The following GREB1L variants were observed in gnomAD, a reference collection of about 807,000 sequenced individuals.
GREB1L encodes the protein GREB1 like retinoic acid receptor coactivator.
GREB1L carries 17 observed loss-of-function variants against 200.8 expected under a neutral mutation model. The ratio of observed to expected loss-of-function variants is 0.08; its 90% confidence interval spans 0.06 to 0.13. The LOEUF is 0.13. GREB1L is among the 10% of genes least tolerant of loss of function. The pLI is 1.00. For missense variants in GREB1L, 1,657 were observed against 2,367.7 expected (o/e 0.70, Z 6.23); for synonymous variants, 789 against 893.0 (o/e 0.88, Z 2.08).
chr18:21,445,873 A>T (rs184316387), intron 11 of GREB1L, among the ~76,000 whole-genome samples: 1,704 of 152,364 alleles, frequency 0.011, 11 homozygotes, highest in Middle Eastern at 0.024. Context: ...TAATTGCTAC[A>T]TACTGAAATT....
intron 23 of GREB1L, among the ~76,000 whole-genome samples, chr18:21,501,248 GTTT>G (rs1189394790): frequency 7.1e-6 from 1 of 141,214 alleles, no homozygotes. Context: ...TTTTTGGGCT[GTTT>G]TTTTTTTTTT....
In GREB1L at chr18:21,477,227, T is replaced by C. The variant is rs1159880879; in HGVS notation, c.2427T>C (p.Asn809=). 9.0e-6 allele frequency: 14 copies of C among 1,552,110 alleles called. No individual in the cohort carries two copies. Among genetic ancestry groups the C allele is most frequent in the Non-Finnish European group, 1.0e-5 (12 of 1,147,068 alleles). Residue 809 remains asparagine, a synonymous_variant, in exon 17 of 33, where the codon AAT becomes AAC. Coordinates refer to ENST00000424526, the MANE Select transcript of GREB1L (RefSeq NM_001142966.3). ...PSHGLADRVI[N]CREVLEAFNL... is the part of the protein sequence containing the mutation. ...ATGGGCTAGCTGATAGAGTCATTAATTGCAGAGAAGTTCTGGAAGCTTTCA... is the reference window on the plus strand; with the variant it reads ...ATGGGCTAGCTGATAGAGTCATTAACTGCAGAGAAGTTCTGGAAGCTTTCA...
At chr18:21,250,777 C>T (rs542567874) in intron 1 of GREB1L, among the ~76,000 whole-genome samples, 6 of 152,294 alleles carry the variant, frequency 3.9e-5, no homozygotes, top group Non-Finnish European at 7.3e-5. Flanking sequence ...AGAGTTCTGC[C>T]TCTCACCCAT....
intron 15 of GREB1L, among the ~76,000 whole-genome samples, chr18:21,464,695 G>T (rs1239977121): frequency 6.6e-6 from 1 of 152,044 alleles, no homozygotes; most frequent in South Asian, 2.1e-4. Flanking sequence ...TCAAAATTTG[G>T]CATCTCCAGT....
At chr18:21,381,421 A>G (rs2040308814) in intron 2 of GREB1L, among the ~76,000 whole-genome samples, 2 of 152,240 alleles carry the variant, frequency 1.3e-5, no homozygotes, top group Admixed American at 6.5e-5. Context: ...AAAAGAAAAA[A>G]AAAAAAAAGA....
At chr18:21,274,047 G>C (rs917487363) in intron 1 of GREB1L, among the ~76,000 whole-genome samples, 1 of 152,138 alleles carries the variant, frequency 6.6e-6, no homozygotes, top group African/African-American at 2.4e-5. Flanking sequence ...CCACAAACTG[G>C]TTGGCTTATC....
intron 7 of GREB1L, among the ~76,000 whole-genome samples, chr18:21,415,064 G>A (rs1483440398): frequency 6.6e-6 from 1 of 152,080 alleles, no homozygotes; most frequent in East Asian, 1.9e-4. Context: ...TGAGAGGGGA[G>A]ACCAGAGCAG....
chr18:21,484,587 C>T (rs184464676), intron 17 of GREB1L, among the ~76,000 whole-genome samples: 3 of 152,226 alleles, frequency 2.0e-5, no homozygotes, highest in East Asian at 1.9e-4. Flanking sequence ...GAGGCCAAGG[C>T]GGGCGGATCA....
intron 1 of GREB1L, among the ~76,000 whole-genome samples, chr18:21,249,413 C>G (rs2037662442): frequency 6.6e-6 from 1 of 152,180 alleles, no homozygotes; most frequent in Admixed American, 6.5e-5. Context: ...ACCCAGGAAT[C>G]TTTATTAACA....
At chr18:21,417,649 A>G (rs1279407657) in intron 7 of GREB1L, among the ~76,000 whole-genome samples, 1 of 152,172 alleles carries the variant, frequency 6.6e-6, no homozygotes, top group East Asian at 1.9e-4. Flanking sequence ...ATTCAGATAG[A>G]TGGACTTGAT....
At position 21,452,813 on chromosome 18, in the gene GREB1L, A is replaced by C. The variant is rs1452204643; in HGVS notation, c.1984+596A>C. The stretch of plus-strand genomic sequence containing the variant: ...CACTGATTGACAGGAATGACATAGG[A>C]CAGGACAGAAAAAAGAACAGGAGAA... On this transcript the variant is annotated intron_variant, in intron 14 of 32. Coordinates refer to ENST00000424526, the MANE Select transcript of GREB1L (RefSeq NM_001142966.3). Among the ~76,000 whole-genome samples, 5 of 152,322 alleles carry C rather than the reference A, an allele frequency of 3.3e-5. No individual in the cohort carries two copies. The East Asian group carries it at 9.6e-4, about 29-fold the overall frequency.
intron 10 of GREB1L, among the ~76,000 whole-genome samples, chr18:21,443,876 A>G (rs1048766132): frequency 6.6e-6 from 1 of 152,220 alleles, no homozygotes; most frequent in Non-Finnish European, 1.5e-5. Context: ...CGTCATTCAC[A>G]TGAATTCAGT....
At chr18:21,285,010 A>C (rs1193791374) in intron 1 of GREB1L, among the ~76,000 whole-genome samples, 3 of 152,100 alleles carry the variant, frequency 2.0e-5, no homozygotes, top group Non-Finnish European at 4.4e-5. Context: ...TCCTTTGCCC[A>C]GTTTTTGATC....
intron 16 of GREB1L, among the ~76,000 whole-genome samples, chr18:21,473,657 G>A (rs903036598): frequency 6.6e-6 from 1 of 151,612 alleles, no homozygotes; most frequent in African/African-American, 2.4e-5. Flanking sequence ...TCTTCTTACT[G>A]GTAACTTTTT....
chr18:21,351,064 C>A (rs180733400), intron 1 of GREB1L, among the ~76,000 whole-genome samples: 3 of 152,060 alleles, frequency 2.0e-5, no homozygotes, highest in African/African-American at 7.2e-5. Context: ...ATATTTTGTT[C>A]CCCTTACAAA....
intron 7 of GREB1L, among the ~76,000 whole-genome samples, chr18:21,438,783 C>A (rs903985742): frequency 6.6e-6 from 1 of 151,052 alleles, no homozygotes; most frequent in Non-Finnish European, 1.5e-5. Flanking sequence ...ACGGTGAAAC[C>A]CCATCTCTAC....
intron 15 of GREB1L, among the ~76,000 whole-genome samples, chr18:21,456,689 A>G (rs2034779771): frequency 6.6e-6 from 1 of 152,134 alleles, no homozygotes; most frequent in South Asian, 2.1e-4. Context: ...TTACAAAATG[A>G]CTTGTTGGAA....
chr18:21,449,390 G>T, intron 11 of GREB1L, 120 bp from the exon 12 acceptor site: 1 of 596,846 alleles, frequency 1.7e-6, no homozygotes, highest in Non-Finnish European at 2.9e-6. Context: ...AGAAAAAGAG[G>T]TTATTTTCTA....
intron 7 of GREB1L, among the ~76,000 whole-genome samples, chr18:21,408,105 G>A (rs10084017): frequency 0.33 from 49,642 of 152,056 alleles, 11,196 homozygotes; most frequent in African/African-American, 0.61. Context: ...ATAGCTAGAA[G>A]AGAAGATTTG....
Sources: allele counts gnomAD v4.1 joint callset (sites outside exome capture counted in the v4.1 genomes callset), GRCh38; gene constraint gnomAD v4.1.1; transcripts MANE v1.5; gene names NCBI Gene and HGNC (gene_info 2026-07-23, HGNC 2026-07-21).